POU6F2: variants seen among roughly 807,000 people sequenced by gnomAD.
The protein encoded by POU6F2 is POU class 6 homeobox 2.
A neutral mutation model predicts 71.3 loss-of-function variants in POU6F2; 31 were observed. The observed-to-expected ratio is 0.43, with a 90% CI of 0.33 to 0.59. The LOEUF (loss-of-function observed/expected upper bound fraction) is 0.59. Ranked by LOEUF, POU6F2 falls within the 20% of genes least tolerant of loss-of-function variation. POU6F2 has a pLI of 0.04. For missense variants in POU6F2, 783 were observed against 856.8 expected (o/e 0.91, Z 1.07); for synonymous variants, 347 against 355.7 (o/e 0.98, Z 0.27).
At chr7:39,196,995 C>CA (rs1477554937) in intron 2 of POU6F2, among the ~76,000 whole-genome samples, 6 of 152,206 alleles carry the variant, frequency 3.9e-5, no homozygotes, top group African/African-American at 1.4e-4. Context: ...CGGCAGCCCC[C>CA]AGAACCCCAT....
intron 2 of POU6F2, among the ~76,000 whole-genome samples, chr7:39,203,151 G>A (rs565220161): frequency 3.9e-4 from 59 of 152,126 alleles, no homozygotes; most frequent in Non-Finnish European, 5.9e-4. Flanking sequence ...CTGTCCCTTT[G>A]GAGAATATAT....
chr7:39,028,735 T>C (rs1053490029), intron 1 of POU6F2, among the ~76,000 whole-genome samples: 1 of 152,180 alleles, frequency 6.6e-6, no homozygotes, highest in African/African-American at 2.4e-5. Flanking sequence ...TACATATACA[T>C]AGAAAATTTG....
intron 1 of POU6F2, among the ~76,000 whole-genome samples, chr7:39,028,367 A>G (rs1274284994): frequency 6.6e-6 from 1 of 152,080 alleles, no homozygotes; most frequent in Non-Finnish European, 1.5e-5. Context: ...TTCTCTTACT[A>G]TCTTGCTTAT....
chr7:39,380,764 C>T (rs1274589811), intron 5 of POU6F2, among the ~76,000 whole-genome samples: 1 of 152,170 alleles, frequency 6.6e-6, no homozygotes. Flanking sequence ...GAAGTCTTCC[C>T]TTCTTGGTTC....
At chr7:39,165,448 G>C (rs562891974) in intron 2 of POU6F2, among the ~76,000 whole-genome samples, 34 of 152,230 alleles carry the variant, frequency 2.2e-4, no homozygotes, top group African/African-American at 8.2e-4. Flanking sequence ...TGGCAGTTTC[G>C]TTAACTATTT....
At chr7:39,418,590 T>C (rs907762354) in intron 6 of POU6F2, among the ~76,000 whole-genome samples, 14 of 151,638 alleles carry the variant, frequency 9.2e-5, no homozygotes, top group Admixed American at 6.6e-4. Flanking sequence ...CTTGGGAAGC[T>C]GAGGCAAGAG....
intron 4 of POU6F2, among the ~76,000 whole-genome samples, chr7:39,262,849 A>G (rs1043466254): frequency 5.9e-5 from 9 of 152,216 alleles, no homozygotes; most frequent in Non-Finnish European, 1.3e-4. Flanking sequence ...TACCCAGTGC[A>G]TTTTCTGTGA....
chr7:39,330,734 G>A (rs572646313), intron 4 of POU6F2, among the ~76,000 whole-genome samples: 1 of 152,136 alleles, frequency 6.6e-6, no homozygotes, highest in South Asian at 2.1e-4. Flanking sequence ...GTACATATTT[G>A]TGGGTTACCA....
chr7:39,398,062 GT>G (rs1228619972), intron 5 of POU6F2, among the ~76,000 whole-genome samples: 1 of 151,666 alleles, frequency 6.6e-6, no homozygotes, highest in Non-Finnish European at 1.5e-5. Context: ...ATTCAGACAA[GT>G]TTGCCTCTAA....
At chr7:39,051,888 G>T (rs1016142581) in intron 1 of POU6F2, among the ~76,000 whole-genome samples, 1 of 152,026 alleles carries the variant, frequency 6.6e-6, no homozygotes, top group Non-Finnish European at 1.5e-5. Flanking sequence ...TGAAGCTGAG[G>T]GTGTCCTTGT....
intron 6 of POU6F2, among the ~76,000 whole-genome samples, chr7:39,414,614 G>A (rs930772461): frequency 6.6e-6 from 1 of 152,170 alleles, no homozygotes; most frequent in Admixed American, 6.5e-5. Context: ...GCGGACGCGC[G>A]GGACGTCAGG....
intron 2 of POU6F2, among the ~76,000 whole-genome samples, chr7:39,092,073 A>T (rs1376242549): frequency 9.2e-5 from 14 of 152,214 alleles, no homozygotes. Flanking sequence ...AAGCAGGCAC[A>T]TTTGCCCAAA....
intron 1 of POU6F2, among the ~76,000 whole-genome samples, chr7:38,981,567 T>C (rs1788317150): frequency 6.6e-6 from 1 of 152,274 alleles, no homozygotes; most frequent in East Asian, 1.9e-4. Flanking sequence ...ATTTATCAAG[T>C]ATATCTAAGA....
At chr7:39,244,503 T>A (rs553624881) in intron 4 of POU6F2, among the ~76,000 whole-genome samples, 2 of 152,330 alleles carry the variant, frequency 1.3e-5, no homozygotes, top group East Asian at 1.9e-4. Context: ...AATACATCAA[T>A]GTATGAGAAA....
At position 39,451,643 on chromosome 7, in the gene POU6F2, C is replaced by T. The variant is rs1788664873; in HGVS notation, c.1431C>T (p.Ser477=). ...SMSQSPVRQA[S]SSSSSSSSSS... is the part of the protein sequence containing the mutation. ...CTCAAAGTCCCGTCCGGCAGGCTTC[C>T]TCTTCTTCCTCCTCATCCTCCTCTT... is the stretch of plus-strand genomic sequence containing the variant. Residue 477 remains serine (S), a synonymous_variant, in exon 8 of 10, where the codon TCC becomes TCT. Transcript: ENST00000518318. The T allele has an allele frequency of 8.7e-6, 14 of 1,612,636 alleles. No homozygotes were observed. The highest frequency in any genetic ancestry group is 1.0e-5 in the Non-Finnish European group (12 of 1,179,366).
chr7:39,194,475 G>A (rs867264018), intron 2 of POU6F2, among the ~76,000 whole-genome samples: 11 of 152,304 alleles, frequency 7.2e-5, no homozygotes, highest in African/African-American at 2.4e-4. Context: ...TCAGCGCTCT[G>A]TATCTAGCTA....
rs1451131486 is a variant in POU6F2, at chr7:39,294,720, A to G, written c.599-44922A>G. Among the ~76,000 whole-genome samples, 3 of 152,142 alleles carry G rather than the reference A, an allele frequency of 2.0e-5. No individual in the cohort carries two copies. The East Asian group carries it at 5.8e-4, about 30-fold the overall frequency. On this transcript the variant is annotated intron_variant, in intron 4 of 9. Transcript: ENST00000518318. ...GGGCCAGTCTTGGTTAAGCCAGATCACCAAGAGATGGCAGGACCTGTGCCA... is the reference window on the plus strand; with the variant it reads ...GGGCCAGTCTTGGTTAAGCCAGATCGCCAAGAGATGGCAGGACCTGTGCCA...
At chr7:39,152,293 C>T (rs527664385) in intron 2 of POU6F2, among the ~76,000 whole-genome samples, 1 of 152,142 alleles carries the variant, frequency 6.6e-6, no homozygotes, top group Non-Finnish European at 1.5e-5. Context: ...GATAAGTGAC[C>T]CCCCAGCTAG....
At chr7:38,994,228 G>A (rs997406026) in intron 1 of POU6F2, among the ~76,000 whole-genome samples, 42 of 152,252 alleles carry the variant, frequency 2.8e-4, no homozygotes, top group African/African-American at 9.1e-4. Flanking sequence ...TGGGATGGGT[G>A]TGAGGAGTCA....
Sources: allele counts gnomAD v4.1 joint callset (sites outside exome capture counted in the v4.1 genomes callset), GRCh38; gene constraint gnomAD v4.1.1; transcripts MANE v1.5; gene names NCBI Gene and HGNC (gene_info 2026-07-23, HGNC 2026-07-21).